Variants in ZMAT3 observed in about 807,000 individuals in gnomAD.
ZMAT3 encodes zinc finger matrin-type 3.
A neutral mutation model predicts 32.3 loss-of-function variants in ZMAT3; 17 were observed. The ratio of observed to expected loss-of-function variants is 0.53; its 90% CI spans 0.36 to 0.79. The LOEUF (loss-of-function observed/expected upper bound fraction) is 0.79. Ranked by LOEUF, ZMAT3 falls within the 30% of genes least tolerant of loss-of-function variation. The pLI is 0.00. For missense variants in ZMAT3, 329 were observed against 359.7 expected, an observed-to-expected ratio of 0.91 and a Z score of 0.69; for synonymous variants, 120 against 133.1, an observed-to-expected ratio of 0.90 and a Z score of 0.68.
At chr3:179,047,505 G>T (rs1161271994) in intron 2 of ZMAT3, among the ~76,000 whole-genome samples, 1 of 152,200 alleles carries the variant, frequency 6.6e-6, no homozygotes, top group Non-Finnish European at 1.5e-5. Context: ...AAACCAAGGT[G>T]AAATATCTGA....
In ZMAT3 at chr3:179,030,889, G is replaced by A; in HGVS notation, c.381C>T (p.Val127=). 1 of 1,613,270 alleles carries A rather than the reference G, an allele frequency of 6.2e-7. No homozygotes were observed. The highest frequency in any genetic ancestry group is 8.5e-7 in the Non-Finnish European group (1 of 1,179,630). Residue 127 remains valine (V), a synonymous_variant, in exon 3 of 6, where the codon GTC becomes GTT. Transcript: ENST00000311417. ...GACACACATGTCTCACCTGCGGAGG[G>A]ACTGGAACAACTGGAGTAGCTGCAG... The part of the protein sequence containing the change: ...VEPAATPVVP[V]PPQMGSFKPG...
intron 2 of ZMAT3, among the ~76,000 whole-genome samples, chr3:179,055,758 A>T (rs545273327): frequency 7.2e-5 from 11 of 152,268 alleles, no homozygotes; most frequent in African/African-American, 2.2e-4. Flanking sequence ...TTGATCTGAC[A>T]TGGAGAGATA....
chr3:179,067,610 G>A lies in ZMAT3; in HGVS notation c.143C>T (p.Ala48Val), dbSNP rs1404312302. 6.2e-7 allele frequency: 1 copy of A among 1,614,130 alleles called. No homozygotes were observed. The highest frequency in any genetic ancestry group is 8.5e-7 in the Non-Finnish European group (1 of 1,180,018). ...PFGQEASLPL[A>V]GEEELSKGGE... ...TCCCTTCGATAACTCTTCTTCCCCT[G>A]CAAGAGGCAAGGAAGCCTCCTGCCC... The change falls in exon 2 of 6, where the codon GCA becomes GTA. Residue 48 changes from alanine (A) to valine (V), a missense_variant. By Grantham distance (64) the Ala-to-Val change is moderately conservative. Coordinates refer to ENST00000311417, the MANE Select transcript of ZMAT3 (RefSeq NM_022470.4).
chr3:179,028,887 C>CGGTG (rs1442921298), intron 3 of ZMAT3, among the ~76,000 whole-genome samples: 1 of 152,116 alleles, frequency 6.6e-6, no homozygotes, highest in Non-Finnish European at 1.5e-5. Flanking sequence ...GGGCTGGACA[C>CGGTG]GGTGGCTCAT....
In ZMAT3 at chr3:179,018,933, A is replaced by G. The variant is rs1335289662; in HGVS notation, c.*6084T>C. ...AGAGTTGTTTAAAACAGCTAATTAT[A>G]TAGGGGTTTGACCCTTTACTCCCCT... is the stretch of plus-strand genomic sequence containing the variant. On this transcript the variant is annotated 3_prime_UTR_variant, in exon 6 of 6. Coordinates refer to ENST00000311417, the MANE Select transcript of ZMAT3 (RefSeq NM_022470.4). The G allele has an allele frequency of 2.0e-5, 3 of 152,166 alleles. No homozygotes were observed. Among genetic ancestry groups the G allele is most frequent in the African/African-American group, 7.2e-5 (3 of 41,448 alleles). The allele number at this position is 152,166 out of a possible 1,614,324, so 9.4% of individuals were successfully genotyped here.
chr3:179,040,162 G>T (rs1295833575), intron 2 of ZMAT3, among the ~76,000 whole-genome samples: 1 of 152,142 alleles, frequency 6.6e-6, no homozygotes, highest in Non-Finnish European at 1.5e-5. Context: ...CACTCTTCAG[G>T]ATATTATCCA....
chr3:179,032,870 G>A (rs563895141), intron 2 of ZMAT3, among the ~76,000 whole-genome samples: 13 of 151,194 alleles, frequency 8.6e-5, no homozygotes, highest in Non-Finnish European at 1.3e-4. Flanking sequence ...AGGAGGTGGG[G>A]GGCAGCCCCC....
At chr3:179,059,698 C>T (rs1434769124) in intron 2 of ZMAT3, among the ~76,000 whole-genome samples, 1 of 152,130 alleles carries the variant, frequency 6.6e-6, no homozygotes, top group Admixed American at 6.5e-5. Context: ...TTAATGACAT[C>T]GAAGACACCC....
chr3:179,069,003 C>T (rs13318738), intron 1 of ZMAT3, among the ~76,000 whole-genome samples: 5,104 of 152,218 alleles, frequency 0.034, 214 homozygotes, highest in African/African-American at 0.095. Context: ...CACTCAGCTG[C>T]TGCCTGTACT....
At chr3:179,025,271 A>C in intron 5 of ZMAT3, 43 bp from the exon 6 acceptor site, 1 of 1,467,178 alleles carries the variant, frequency 6.8e-7, no homozygotes, top group Non-Finnish European at 9.3e-7. Flanking sequence ...ATATTCATTA[A>C]GTGAATGACA....
rs1718419256 is a variant in ZMAT3, at chr3:179,019,179, T to C, written c.*5838A>G. The C allele has an allele frequency of 6.6e-6, 1 of 151,822 alleles. No individual in the cohort carries two copies. Among genetic ancestry groups the C allele is most frequent in the Admixed American group, 6.6e-5 (1 of 15,232 alleles). The allele number at this position is 151,822 out of a possible 1,614,324, so 9.4% of individuals were successfully genotyped here. A position where few individuals can be genotyped will look rare whatever the true frequency, so the allele number is the denominator to read the frequency against. On this transcript the variant is annotated 3_prime_UTR_variant, in exon 6 of 6. Coordinates refer to ENST00000311417, the MANE Select transcript of ZMAT3 (RefSeq NM_022470.4). The stretch of plus-strand genomic sequence containing the variant: ...AAAATTTATGACAAGCACTTAAAAA[T>C]GACCAATTCTAAAATAAACTTGTGT...
intron 2 of ZMAT3, among the ~76,000 whole-genome samples, chr3:179,058,484 C>T (rs568548455): frequency 7.9e-5 from 12 of 152,166 alleles, no homozygotes; most frequent in South Asian, 6.2e-4. Context: ...GGGACGGGCG[C>T]GGTGGCTCAC....
At chr3:179,030,391 G>A (rs1338121586) in intron 3 of ZMAT3, among the ~76,000 whole-genome samples, 3 of 138,484 alleles carry the variant, frequency 2.2e-5, no homozygotes, top group Non-Finnish European at 3.1e-5. Context: ...GTCTCGCACT[G>A]TTGCCCAGGC....
chr3:179,027,481 C>G lies in ZMAT3; in HGVS notation c.600G>C (p.Gly200=), dbSNP rs1718932324. ...ELGQRRARKE[G]NEFKMMPNRR... is the part of the protein sequence containing the mutation. ...TGTTAGGCATCATCTTAAACTCATT[C>G]CCTTCTTTCCTGGCCCGCCGTTGAC... The change falls in exon 5 of 6, where the codon GGG becomes GGC. Residue 200 remains glycine, a synonymous_variant. Transcript: ENST00000311417. The G allele has an allele frequency of 1.2e-5, 20 of 1,614,200 alleles. No homozygotes were observed. The highest frequency in any genetic ancestry group is 1.7e-5 in the Non-Finnish European group (20 of 1,180,034).
At chr3:179,070,009 C>A (rs1721628457) in intron 1 of ZMAT3, among the ~76,000 whole-genome samples, 1 of 151,888 alleles carries the variant, frequency 6.6e-6, no homozygotes, top group Non-Finnish European at 1.5e-5. Context: ...AGACAAAGAA[C>A]AGCTTTTAAA....
chr3:179,035,812 C>T (rs1186371294), intron 2 of ZMAT3, among the ~76,000 whole-genome samples: 1 of 152,218 alleles, frequency 6.6e-6, no homozygotes, highest in Non-Finnish European at 1.5e-5. Context: ...GAATTTCTTA[C>T]TCCTGCCTGA....
At chr3:179,029,681 T>G (rs543411463) in intron 3 of ZMAT3, among the ~76,000 whole-genome samples, 1 of 152,080 alleles carries the variant, frequency 6.6e-6, no homozygotes, top group Non-Finnish European at 1.5e-5. Flanking sequence ...TACCAAAATT[T>G]TACATTCAGA....
chr3:179,053,728 C>G (rs1404933495), intron 2 of ZMAT3, among the ~76,000 whole-genome samples: 1 of 152,114 alleles, frequency 6.6e-6, no homozygotes, highest in African/African-American at 2.4e-5. Context: ...TGCTAAAAAA[C>G]ACATAACCTG....
chr3:179,058,563 T>C (rs982072472), intron 2 of ZMAT3, among the ~76,000 whole-genome samples: 3 of 152,146 alleles, frequency 2.0e-5, no homozygotes, highest in Non-Finnish European at 4.4e-5. Flanking sequence ...GAGACCATCC[T>C]AGCTAAAACG....
Sources: gnomAD v4.1 joint callset for allele counts (sites outside exome capture counted in the v4.1 genomes callset) on GRCh38, gnomAD v4.1.1 for gene constraint, MANE v1.5 for transcripts, NCBI Gene and HGNC (gene_info 2026-07-23, HGNC 2026-07-21) for gene names.